The following POLR1A variants were observed in gnomAD, a reference collection of about 807,000 sequenced individuals.
POLR1A encodes the protein RNA polymerase I subunit A, also known as DNA-directed RNA polymerase I subunit RPA1.
Under a neutral mutation model 205.3 loss-of-function variants are expected in POLR1A, and 84 were observed. That is an observed-to-expected ratio of 0.41 (90% CI 0.34 to 0.49). POLR1A has a LOEUF of 0.49. Ranked by LOEUF, POLR1A falls within the 20% of genes least tolerant of loss-of-function variation. The probability of loss-of-function intolerance (pLI) is 0.22; values close to 1 mark genes in which losing one functional copy is unlikely to be tolerated. For synonymous variants in POLR1A, 799 were observed against 863.7 expected, an observed-to-expected ratio of 0.93 and a Z score of 1.31; for missense variants, 1,645 against 2,204.5, an observed-to-expected ratio of 0.75 and a Z score of 5.08.
intron 16 of POLR1A, among the ~76,000 whole-genome samples, chr2:86,049,611 G>GT (rs1672765872): frequency 6.6e-6 from 1 of 152,204 alleles, no homozygotes; most frequent in African/African-American, 2.4e-5. Flanking sequence ...TGAAGAAGAG[G>GT]TTTTGGATGA....
At position 86,031,427 on chromosome 2, in the gene POLR1A, C is replaced by T. The variant is rs1672386178; in HGVS notation, c.4481G>A (p.Gly1494Glu). 3 of 1,613,976 alleles carry T rather than the reference C, an allele frequency of 1.9e-6. No homozygotes were observed. Among genetic ancestry groups the T allele is most frequent in the Non-Finnish European group, 1.7e-6 (2 of 1,179,942 alleles). ...RKPTHSQEPQ[G>E]PEAMERRVQA... Reference sequence around the variant, plus strand: ...GACCCGGCGCTCCATGGCCTCGGGCCCCTGGGGCTCCTGGCTGTGGGTGGG... The same window carrying T: ...GACCCGGCGCTCCATGGCCTCGGGCTCCTGGGGCTCCTGGCTGTGGGTGGG... Residue 1494 changes from glycine (G) to glutamate (E), a missense_variant, in exon 30 of 34, where the codon GGG (glycine) becomes GAG (glutamate). Physicochemically the swap from Gly to Glu is moderately conservative, Grantham distance 98. Around this residue, in one of 16 missense-constraint regions of POLR1A, gnomAD observed 394 missense variants for 468.5 expected, o/e 0.84. Coordinates refer to ENST00000263857, the MANE Select transcript of POLR1A (RefSeq NM_015425.6).
At chr2:86,056,720 G>A (rs1672905146) in intron 14 of POLR1A, among the ~76,000 whole-genome samples, 1 of 152,092 alleles carries the variant, frequency 6.6e-6, no homozygotes, top group Admixed American at 6.5e-5. Flanking sequence ...AAATCCTAGG[G>A]CCCTTAAGAA....
chr2:86,048,858 A>G, intron 18 of POLR1A, 26 bp downstream of exon 18: 3 of 1,599,454 alleles, frequency 1.9e-6, no homozygotes, highest in Non-Finnish European at 2.6e-6. Flanking sequence ...AGTGGTGGGG[A>G]TAAATGCATG....
intron 12 of POLR1A, among the ~76,000 whole-genome samples, chr2:86,072,480 T>C (rs1316736365): frequency 6.6e-6 from 1 of 152,214 alleles, no homozygotes; most frequent in Non-Finnish European, 1.5e-5. Context: ...GCTGGGAAGG[T>C]ACACAGGCCA....
At position 86,021,478 on chromosome 2, in the gene POLR1A, T is replaced by C. The variant is rs1195057219; in HGVS notation, c.*5945A>G. The C allele has an allele frequency of 6.6e-6, 1 of 152,386 alleles. No individual in the cohort carries two copies. Among genetic ancestry groups the C allele is most frequent in the Non-Finnish European group, 1.5e-5 (1 of 68,154 alleles). The allele number at this position is 152,386 out of a possible 1,614,324, so 9.4% of individuals were successfully genotyped here. ...TTTCAGTTTCCCTCCCTTCTGGCTG[T>C]TGAACACCCAAGTACCTCCCCACTG... On this transcript the variant is annotated 3_prime_UTR_variant, in exon 34 of 34. Transcript: ENST00000263857.
At chr2:86,061,292 C>A (rs1672990462) in intron 14 of POLR1A, among the ~76,000 whole-genome samples, 1 of 152,134 alleles carries the variant, frequency 6.6e-6, no homozygotes, top group South Asian at 2.1e-4. Flanking sequence ...ACTAAAAATA[C>A]AAAAATTTGC....
At position 86,033,978 on chromosome 2, in the gene POLR1A, G is replaced by A. The variant is rs777528468; in HGVS notation, c.4035-191C>T. ...CGTCTCTGGCGTATCAGGAACACCGGTTCCACAGTCCAACAGGCCTGGTCT... is the reference window on the plus strand; with the variant it reads ...CGTCTCTGGCGTATCAGGAACACCGATTCCACAGTCCAACAGGCCTGGTCT... On this transcript the variant is annotated intron_variant, in intron 27 of 33. Transcript: ENST00000263857. 3.6e-4 allele frequency among the ~76,000 whole-genome samples: 55 copies of A among 152,150 alleles called. 1 individual carries two copies. Among genetic ancestry groups the A allele is most frequent in the Non-Finnish European group, 8.8e-5 (6 of 68,042 alleles).
chr2:86,069,957 A>G, intron 13 of POLR1A, 61 bp downstream of exon 13: 1 of 1,553,034 alleles, frequency 6.4e-7, no homozygotes, highest in Non-Finnish European at 8.7e-7. Context: ...GGCAGGGCCC[A>G]ACTTAAAAGT....
intron 3 of POLR1A, among the ~76,000 whole-genome samples, chr2:86,094,927 T>A (rs960565219): frequency 1.9e-4 from 29 of 152,204 alleles, no homozygotes; most frequent in African/African-American, 7.0e-4. Flanking sequence ...TTATCATATT[T>A]GGGCTCATAC....
intron 23 of POLR1A, among the ~76,000 whole-genome samples, chr2:86,042,643 C>G (rs900532585): frequency 3.3e-5 from 5 of 152,220 alleles, no homozygotes; most frequent in African/African-American, 7.2e-5. Flanking sequence ...CTCAACCCCC[C>G]TCTAGTGGGT....
chr2:86,059,071 T>C (rs1404776292), intron 14 of POLR1A, among the ~76,000 whole-genome samples: 2 of 152,134 alleles, frequency 1.3e-5, no homozygotes, highest in East Asian at 3.8e-4. Flanking sequence ...AATCGGAACA[T>C]CCACTAATAG....
chr2:86,077,802 C>T lies in POLR1A; in HGVS notation c.1380+57G>A, dbSNP rs980190512. The T allele has an allele frequency of 5.3e-5, 49 of 921,834 alleles. No individual in the cohort carries two copies. The African/African-American group carries it at 1.0e-3, about 19-fold the overall frequency. 57.1% of individuals were successfully genotyped at this position (921,834 alleles called of 1,614,324 possible). On this transcript the variant is annotated intron_variant, in intron 11 of 33. Coordinates refer to ENST00000263857, the MANE Select transcript of POLR1A (RefSeq NM_015425.6). ...CCACGGGGAGCAAATGAGCCCTGCA[C>T]GCGCGCGCGCACACACACACACACA...
intron 15 of POLR1A, 44 bp downstream of exon 15, chr2:86,054,096 C>T (rs1291254242): frequency 3.1e-6 from 5 of 1,600,954 alleles, no homozygotes; most frequent in Non-Finnish European, 4.3e-6. Context: ...TCTGTCTAAC[C>T]CCGGCACTAG....
At chr2:86,042,938 G>T (rs780337375) in intron 23 of POLR1A, 36 bp downstream of exon 23, 1 of 1,478,464 alleles carries the variant, frequency 6.8e-7, no homozygotes, top group Non-Finnish European at 9.5e-7. Context: ...AAGCCTGGAC[G>T]TGCTGGACAT....
At chr2:86,064,332 CTAAGATCACATAGCCAATT>C (rs1673049411) in intron 14 of POLR1A, among the ~76,000 whole-genome samples, 1 of 152,118 alleles carries the variant, frequency 6.6e-6, no homozygotes, top group African/African-American at 2.4e-5. Context: ...ACACACAGGG[CTAAGATCACATAGCCAATT>C]AGAAGTTGAT....
intron 12 of POLR1A, among the ~76,000 whole-genome samples, chr2:86,071,381 T>A (rs1044806017): frequency 3.3e-5 from 5 of 152,018 alleles, no homozygotes; most frequent in Non-Finnish European, 4.4e-5. Flanking sequence ...GCTTCAACCT[T>A]CTAGCCTCAA....
chr2:86,035,460 TCTGCAC>T (rs976286331), intron 27 of POLR1A, among the ~76,000 whole-genome samples: 1 of 152,164 alleles, frequency 6.6e-6, no homozygotes, highest in Admixed American at 6.5e-5. Context: ...TCACTCTCAC[TCTGCAC>T]CCGAGGCTAC....
In POLR1A at chr2:86,032,030, G is replaced by C. The variant is rs142106178; in HGVS notation, c.4272+242C>G. Among the ~76,000 whole-genome samples the C allele has an allele frequency of 7.2e-3, 1,091 of 152,298 alleles. 13 individuals are homozygous for C. Among genetic ancestry groups the C allele is most frequent in the Non-Finnish European group, 9.6e-3 (656 of 68,026 alleles). ...GAAGCCTGTCTGGATCCTTGAGTCC[G>C]ATTTAAGTCCAGGGATGGCCACATC... is the stretch of plus-strand genomic sequence containing the variant. On this transcript the variant is annotated intron_variant, in intron 29 of 33. Coordinates refer to ENST00000263857, the MANE Select transcript of POLR1A (RefSeq NM_015425.6).
chr2:86,094,694 C>T (rs78664093), intron 3 of POLR1A, among the ~76,000 whole-genome samples: 3,787 of 152,312 alleles, frequency 0.025, 140 homozygotes, highest in African/African-American at 0.083. Context: ...TGTCTTCTCT[C>T]TTTCATATAT....
Sources: gnomAD v4.1 joint callset for allele counts (sites outside exome capture counted in the v4.1 genomes callset) on GRCh38, gnomAD v4.1.1 for gene constraint, gnomAD v4.1.1 regional missense constraint, MANE v1.5 for transcripts, NCBI Gene and HGNC (gene_info 2026-07-23, HGNC 2026-07-21) for gene names.